The following DPYSL4 variants were observed in gnomAD, a reference collection of about 807,000 sequenced individuals.
The protein encoded by DPYSL4 is dihydropyrimidinase like 4, also known as dihydropyrimidinase-related protein 4.
Under a neutral mutation model 63.4 loss-of-function variants are expected in DPYSL4, and 43 were observed. That is an observed-to-expected ratio of 0.68 (90% CI 0.53 to 0.88). The LOEUF is 0.88. Among genes scored for constraint, DPYSL4 ranks in the 40% least tolerant of loss-of-function variants. DPYSL4 has a pLI of 0.00. For synonymous variants in DPYSL4, 353 were observed against 331.7 expected, an observed-to-expected ratio of 1.06 and a Z score of -0.70; for missense variants, 733 against 819.5, an observed-to-expected ratio of 0.89 and a Z score of 1.29.
chr10:132,190,475 C>T (rs1164916331), intron 1 of DPYSL4, among the ~76,000 whole-genome samples: 1 of 152,254 alleles, frequency 6.6e-6, no homozygotes, highest in Non-Finnish European at 1.5e-5. Context: ...TGACCTGTGG[C>T]ACTACCACAC....
At position 132,194,895 on chromosome 10, in the gene DPYSL4, C is replaced by A; in HGVS notation, c.364C>A (p.Gln122Lys). 1 of 1,612,756 alleles carries A rather than the reference C, an allele frequency of 6.2e-7. No homozygotes were observed. Among genetic ancestry groups the A allele is most frequent in the Non-Finnish European group, 8.5e-7 (1 of 1,179,934 alleles). The change falls in exon 4 of 14, where the codon CAG becomes AAG. Residue 122 changes from glutamine to lysine, a missense_variant. Transcript: ENST00000338492. ...TGTGAGCCTGCTGGCGGCCTACGAG[C>A]AGTGGCGGGAGCGGGCGGACAGCGC... ...TGVSLLAAYE[Q>K]WRERADSAAC... is the part of the protein sequence containing the mutation.
intron 8 of DPYSL4, among the ~76,000 whole-genome samples, chr10:132,199,793 G>C (rs1437011291): frequency 1.3e-5 from 2 of 152,066 alleles, no homozygotes; most frequent in African/African-American, 4.8e-5. Flanking sequence ...TCTGAGGCGT[G>C]CAGGTGAATG....
intron 2 of DPYSL4, 115 bp downstream of exon 2, chr10:132,190,950 G>A: frequency 1.9e-6 from 2 of 1,028,976 alleles, no homozygotes; most frequent in South Asian, 1.5e-5. Context: ...CTGGTCACGT[G>A]GTATCCAGGC....
rs1012597093 is a variant in DPYSL4, at chr10:132,203,498, G to A, written c.1462-264G>A. 6.3e-5 allele frequency: 32 copies of A among 510,442 alleles called. No individual in the cohort carries two copies. The Admixed American group carries it at 9.8e-4, about 16-fold the overall frequency. The allele number at this position is 510,442 out of a possible 1,614,324, so 31.6% of individuals were successfully genotyped here. On this transcript the variant is annotated intron_variant, in intron 12 of 13. Coordinates refer to ENST00000338492, the MANE Select transcript of DPYSL4 (RefSeq NM_006426.3). ...ACCTGTGTTGGTAAGACTGAGGGGA[G>A]GGACGTTTGCACACACATGCAGATG...
intron 7 of DPYSL4, 147 bp from the exon 8 acceptor site, chr10:132,198,704 C>T (rs1184378957): frequency 1.5e-6 from 2 of 1,301,688 alleles, no homozygotes; most frequent in African/African-American, 3.0e-5. Context: ...TGGGCAGGCC[C>T]AGGCACTGAG....
rs2061952236 is a variant in DPYSL4, at chr10:132,196,882, T to C, written c.500T>C (p.Phe167Ser). Reference protein sequence around the residue: ...KEKGVNSFLVFMAYKDRCQCS... With the variant: ...KEKGVNSFLVSMAYKDRCQCS... Reference sequence around the variant, plus strand: ...CCAGGTGTGAACTCCTTCCTGGTCTTCATGGCATACAAGGACCGGTGCCAG... The same window carrying C: ...CCAGGTGTGAACTCCTTCCTGGTCTCCATGGCATACAAGGACCGGTGCCAG... Residue 167 changes from phenylalanine to serine, a missense_variant, in exon 5 of 14, where the codon TTC becomes TCC. Transcript: ENST00000338492. The C allele has an allele frequency of 6.2e-7, 1 of 1,613,662 alleles. No individual in the cohort carries two copies. The highest frequency in any genetic ancestry group is 8.5e-7 in the Non-Finnish European group (1 of 1,180,012).
intron 1 of DPYSL4, among the ~76,000 whole-genome samples, chr10:132,188,124 C>T (rs1449202285): frequency 1.3e-5 from 2 of 152,168 alleles, no homozygotes; most frequent in African/African-American, 2.4e-5. Flanking sequence ...GAGGTCTTGC[C>T]AGTCAGCTGG....
At chr10:132,187,128 C>T in intron 1 of DPYSL4, 26 bp downstream of exon 1, 2 of 1,514,132 alleles carry the variant, frequency 1.3e-6, no homozygotes, top group Non-Finnish European at 1.8e-6. Flanking sequence ...CTTCGCCCGG[C>T]GCCCCCTGCC....
rs563588104 is a variant in DPYSL4, at chr10:132,201,049, G to C, written c.1110+66G>C. 10 of 1,580,632 alleles carry C rather than the reference G, an allele frequency of 6.3e-6. No individual in the cohort carries two copies. The South Asian group carries it at 1.2e-4, about 18-fold the overall frequency. On this transcript the variant is annotated intron_variant, in intron 10 of 13. Coordinates refer to ENST00000338492, the MANE Select transcript of DPYSL4 (RefSeq NM_006426.3). Reference sequence around the variant, plus strand: ...GCTGTGGGCGGGATTGTGATGGCTGGTCAGAAGGGAGCCCATCTAACCAGT... The same window carrying C: ...GCTGTGGGCGGGATTGTGATGGCTGCTCAGAAGGGAGCCCATCTAACCAGT...
At chr10:132,188,038 G>C (rs139750295) in intron 1 of DPYSL4, among the ~76,000 whole-genome samples, 2 of 152,142 alleles carry the variant, frequency 1.3e-5, no homozygotes, top group Non-Finnish European at 2.9e-5. Context: ...AGCGAGGAAG[G>C]AGCCCTCCCC....
intron 4 of DPYSL4, 28 bp downstream of exon 4, chr10:132,195,037 C>A: frequency 6.7e-7 from 1 of 1,502,210 alleles, no homozygotes; most frequent in Non-Finnish European, 9.0e-7. Context: ...GGCTGGAGGG[C>A]GGGCATGGAG....
At chr10:132,195,318 G>A (rs1257355854) in intron 4 of DPYSL4, among the ~76,000 whole-genome samples, 2 of 152,184 alleles carry the variant, frequency 1.3e-5, no homozygotes, top group African/African-American at 4.8e-5. Context: ...CAGTCTCCTA[G>A]CATCTGGGGA....
At chr10:132,189,098 G>A (rs139106801) in intron 1 of DPYSL4, among the ~76,000 whole-genome samples, 8 of 152,352 alleles carry the variant, frequency 5.3e-5, no homozygotes, top group Admixed American at 3.3e-4. Context: ...TCAGACTGAC[G>A]GTGCGTGAAG....
intron 2 of DPYSL4, among the ~76,000 whole-genome samples, chr10:132,191,818 G>T (rs2061882332): frequency 9.0e-6 from 1 of 111,680 alleles, no homozygotes; most frequent in Non-Finnish European, 1.9e-5. Context: ...GTACACACTG[G>T]TCACGTGGTA....
chr10:132,205,126 C>T lies in DPYSL4; in HGVS notation c.*196C>T, dbSNP rs2062079748. On this transcript the variant is annotated 3_prime_UTR_variant, in exon 14 of 14. Coordinates refer to ENST00000338492, the MANE Select transcript of DPYSL4 (RefSeq NM_006426.3). ...TGCCAAGAGCCCCTCAAGAGAAGGG[C>T]TGAACCTGGGGAGATGTCACTGCCA... 2.2e-6 allele frequency: 1 copy of T among 447,814 alleles called. No individual in the cohort carries two copies. The highest frequency in any genetic ancestry group is 4.0e-6 in the Non-Finnish European group (1 of 252,908). The allele number at this position is 447,814 out of a possible 1,614,324, so 27.7% of individuals were successfully genotyped here. A position where few individuals can be genotyped will look rare whatever the true frequency, so the allele number is the denominator to read the frequency against.
At chr10:132,197,583 T>C (rs913609377) in intron 6 of DPYSL4, among the ~76,000 whole-genome samples, 10 of 152,194 alleles carry the variant, frequency 6.6e-5, no homozygotes, top group Non-Finnish European at 1.2e-4. Context: ...CTGCACCTTG[T>C]TTTCCCCTCT....
intron 1 of DPYSL4, among the ~76,000 whole-genome samples, chr10:132,188,271 C>T (rs2061830875): frequency 6.6e-6 from 1 of 152,182 alleles, no homozygotes; most frequent in South Asian, 2.1e-4. Flanking sequence ...AAGAGCACAG[C>T]CCCACACCCC....
At position 132,202,833 on chromosome 10, in the gene DPYSL4, G is replaced by T; in HGVS notation, c.1461+8G>T. 6.3e-7 allele frequency: 1 copy of T among 1,580,416 alleles called. No homozygotes were observed. Among genetic ancestry groups the T allele is most frequent in the Non-Finnish European group, 8.6e-7 (1 of 1,161,978 alleles). On this transcript the variant is annotated splice_region_variant and intron_variant, in intron 12 of 13. Coordinates refer to ENST00000338492, the MANE Select transcript of DPYSL4 (RefSeq NM_006426.3). ...ATCAAAGCTCGCAACAGGGTAGGGC[G>T]GCACCCGCAAGGGTGTTGTGCAGGT...
At chr10:132,195,542 G>A (rs1453162024) in intron 4 of DPYSL4, among the ~76,000 whole-genome samples, 2 of 152,308 alleles carry the variant, frequency 1.3e-5, no homozygotes, top group East Asian at 3.9e-4. Flanking sequence ...GCCTGGAGGT[G>A]GGGGCGGGAT....
Sources: gnomAD v4.1 joint callset for allele counts (sites outside exome capture counted in the v4.1 genomes callset) on GRCh38, gnomAD v4.1.1 for gene constraint, MANE v1.5 for transcripts, NCBI Gene and HGNC (gene_info 2026-07-23, HGNC 2026-07-21) for gene names.